The following RBFOX1 variants were observed in gnomAD, a reference collection of about 807,000 sequenced individuals.
RBFOX1 encodes RNA binding fox-1 homolog 1.
Under a neutral mutation model 57.7 loss-of-function variants are expected in RBFOX1, and 8 were observed. That is an observed-to-expected ratio of 0.14 (90% CI 0.08 to 0.25). The LOEUF (loss-of-function observed/expected upper bound fraction) is 0.25. Ranked by LOEUF, RBFOX1 falls within the 10% of genes least tolerant of loss-of-function variation. The pLI is 1.00. For synonymous variants in RBFOX1, 326 were observed against 222.4 expected, an observed-to-expected ratio of 1.47 and a Z score of -4.15; for missense variants, 611 against 548.5, an observed-to-expected ratio of 1.11 and a Z score of -1.14.
chr16:5,992,017 A>G (rs959928500), intron 4 of RBFOX1, among the ~76,000 whole-genome samples: 1 of 152,200 alleles, frequency 6.6e-6, no homozygotes, highest in African/African-American at 2.4e-5. Context: ...AGAGATTTGT[A>G]AAAATGCATA....
intron 2 of RBFOX1, among the ~76,000 whole-genome samples, chr16:5,559,318 C>T (rs1331968977): frequency 6.6e-6 from 1 of 152,092 alleles, no homozygotes; most frequent in African/African-American, 2.4e-5. Flanking sequence ...CCATGACGTA[C>T]ATCTTAAGGA....
intron 3 of RBFOX1, among the ~76,000 whole-genome samples, chr16:5,637,149 A>G (rs920529649): frequency 5.3e-5 from 8 of 152,184 alleles, no homozygotes; most frequent in Admixed American, 6.5e-5. Context: ...TTTCTACCTG[A>G]TATTTTAAAT....
chr16:6,936,783 T>G (rs779603390), intron 3 of RBFOX1, among the ~76,000 whole-genome samples: 1 of 151,988 alleles, frequency 6.6e-6, no homozygotes, highest in Non-Finnish European at 1.5e-5. Flanking sequence ...ATAAAATTGT[T>G]GCCTCTTGAA....
chr16:7,188,772 C>T (rs1029131789), intron 4 of RBFOX1, among the ~76,000 whole-genome samples: 8 of 152,086 alleles, frequency 5.3e-5, no homozygotes, highest in Non-Finnish European at 8.8e-5. Context: ...AAAGTAAGAC[C>T]GCAAGAGCTG....
intron 3 of RBFOX1, among the ~76,000 whole-genome samples, chr16:5,618,692 A>C (rs1042940186): frequency 1.3e-5 from 2 of 152,194 alleles, no homozygotes; most frequent in African/African-American, 4.8e-5. Flanking sequence ...TAAAAGAAAG[A>C]AATGCCCATG....
intron 1 of RBFOX1, among the ~76,000 whole-genome samples, chr16:6,270,718 T>C (rs1481694306): frequency 6.6e-6 from 1 of 152,168 alleles, no homozygotes; most frequent in Non-Finnish European, 1.5e-5. Context: ...CCATTATCCA[T>C]CAACGAGGAC....
chr16:7,093,921 C>G (rs1312944710), intron 4 of RBFOX1, among the ~76,000 whole-genome samples: 1 of 151,724 alleles, frequency 6.6e-6, no homozygotes, highest in Non-Finnish European at 1.5e-5. Flanking sequence ...TCTTGGAAAA[C>G]ATAATGGTGT....
intron 4 of RBFOX1, among the ~76,000 whole-genome samples, chr16:5,887,449 T>C (rs147961766): frequency 5.3e-5 from 8 of 152,352 alleles, no homozygotes; most frequent in Admixed American, 2.0e-4. Flanking sequence ...TTGCCCAGGC[T>C]GGAGTGCAGT....
chr16:5,721,474 T>A (rs1180506834), intron 3 of RBFOX1, among the ~76,000 whole-genome samples: 4 of 152,214 alleles, frequency 2.6e-5, no homozygotes, highest in Non-Finnish European at 5.9e-5. Context: ...TCTTGCCCAA[T>A]TGCCCTGGCT....
intron 4 of RBFOX1, among the ~76,000 whole-genome samples, chr16:7,164,173 T>A (rs954754414): frequency 7.9e-5 from 12 of 152,156 alleles, no homozygotes; most frequent in African/African-American, 2.9e-4. Flanking sequence ...CGTCTTTGCG[T>A]CCTCATAGCT....
chr16:7,047,000 C>T (rs796390476), intron 3 of RBFOX1, among the ~76,000 whole-genome samples: 8 of 149,110 alleles, frequency 5.4e-5, no homozygotes, highest in African/African-American at 2.0e-4. Context: ...AGCCATTAAA[C>T]ATATTTTAAT....
chr16:6,524,650 C>G (rs1341919931), intron 2 of RBFOX1, among the ~76,000 whole-genome samples: 1 of 152,170 alleles, frequency 6.6e-6, no homozygotes, highest in Non-Finnish European at 1.5e-5. Flanking sequence ...AGACTTCTCT[C>G]ACATTTCTAG....
At chr16:6,465,423 C>T (rs983899572) in intron 2 of RBFOX1, among the ~76,000 whole-genome samples, 2 of 152,132 alleles carry the variant, frequency 1.3e-5, no homozygotes, top group African/African-American at 4.8e-5. Flanking sequence ...TAGTGGCTAT[C>T]TTGCATGTTA....
intron 2 of RBFOX1, among the ~76,000 whole-genome samples, chr16:6,534,797 T>G (rs1286080190): frequency 6.6e-6 from 1 of 152,174 alleles, no homozygotes; most frequent in Non-Finnish European, 1.5e-5. Flanking sequence ...GGTTCATGTA[T>G]ATGTGTGTGT....
chr16:5,396,749 G>C (rs1054900974), intron 1 of RBFOX1, among the ~76,000 whole-genome samples: 1 of 152,202 alleles, frequency 6.6e-6, no homozygotes, highest in Non-Finnish European at 1.5e-5. Flanking sequence ...TAGAAAGATC[G>C]AAGATAAATG....
intron 2 of RBFOX1, among the ~76,000 whole-genome samples, chr16:6,558,898 G>C (rs776815509): frequency 2.0e-5 from 3 of 151,314 alleles, no homozygotes; most frequent in Admixed American, 6.6e-5. Context: ...TGCTCCCTCT[G>C]TCTGGAATGT....
intron 4 of RBFOX1, among the ~76,000 whole-genome samples, chr16:7,211,851 G>C (rs564894975): frequency 2.0e-5 from 3 of 152,144 alleles, no homozygotes; most frequent in Admixed American, 2.0e-4. Flanking sequence ...GGTGGTTGCA[G>C]CGTTTCCTAA....
intron 3 of RBFOX1, among the ~76,000 whole-genome samples, chr16:5,819,646 A>G (rs899419325): frequency 2.0e-5 from 3 of 152,242 alleles, no homozygotes; most frequent in African/African-American, 7.2e-5. Flanking sequence ...GACATTTCCT[A>G]TCCAAGTTGT....
At chr16:6,872,461 C>T (rs2153275208) in intron 3 of RBFOX1, among the ~76,000 whole-genome samples, 1 of 152,194 alleles carries the variant, frequency 6.6e-6, no homozygotes, top group South Asian at 2.1e-4. Flanking sequence ...ACTTAGGAAA[C>T]AGCTGAATTA....
Sources: allele counts gnomAD v4.1 joint callset (sites outside exome capture counted in the v4.1 genomes callset), GRCh38; gene constraint gnomAD v4.1.1; transcripts MANE v1.5; gene names NCBI Gene and HGNC (gene_info 2026-07-23, HGNC 2026-07-21).